The following PPFIBP2 variants were observed in gnomAD, a reference collection of about 807,000 sequenced individuals.
PPFIBP2 encodes liprin-beta-2.
A neutral mutation model predicts 118.3 loss-of-function variants in PPFIBP2; 118 were observed. The ratio of observed to expected loss-of-function variants is 1.00; its 90% CI spans 0.86 to 1.16. The LOEUF (loss-of-function observed/expected upper bound fraction) is 1.16, where lower values mean the gene tolerates loss of function less well. Among genes scored for constraint, PPFIBP2 ranks in the 50% most tolerant of loss-of-function variants. PPFIBP2 has a pLI of 0.00. For synonymous variants in PPFIBP2, 414 were observed against 397.4 expected, an observed-to-expected ratio of 1.04 and a Z score of -0.50; for missense variants, 1,195 against 1,073.1, an observed-to-expected ratio of 1.11 and a Z score of -1.59.
At chr11:7,566,171 A>G (rs1166254136) in intron 3 of PPFIBP2, among the ~76,000 whole-genome samples, 1 of 151,988 alleles carries the variant, frequency 6.6e-6, no homozygotes, top group Non-Finnish European at 1.5e-5. Context: ...TGGTTACCTC[A>G]TTGATTTAAA....
At chr11:7,540,691 C>G (rs1851685566) in intron 1 of PPFIBP2, among the ~76,000 whole-genome samples, 1 of 152,126 alleles carries the variant, frequency 6.6e-6, no homozygotes, top group South Asian at 2.1e-4. Context: ...TGGGGGACCC[C>G]ACAGGGACCC....
At chr11:7,518,517 G>T (rs1480330006) in intron 1 of PPFIBP2, among the ~76,000 whole-genome samples, 1 of 152,146 alleles carries the variant, frequency 6.6e-6, no homozygotes. Flanking sequence ...GTTGGGGACT[G>T]CCTCTGCACC....
rs754932804 is a variant in PPFIBP2 at position 7,642,407 on chromosome 11, G to T, written c.1627G>T (p.Asp543Tyr). The part of the protein sequence containing the change: ...TAGPRLSRTR[D>Y]SKGQKSDANA... Reference sequence around the variant, plus strand: ...AGGGCCAAGACTCTCTAGGACCAGGGACTCCAAGGGACAGAAAAGGTAAGG... The same window carrying T: ...AGGGCCAAGACTCTCTAGGACCAGGTACTCCAAGGGACAGAAAAGGTAAGG... Residue 543 changes from aspartate to tyrosine, a missense_variant, in exon 17 of 24, where the codon GAC becomes TAC. Physicochemically the swap from Asp to Tyr is radical, Grantham distance 160. Transcript: ENST00000299492. 1.2e-6 allele frequency: 2 copies of T among 1,613,668 alleles called. No individual in the cohort carries two copies. Among genetic ancestry groups the T allele is most frequent in the South Asian group, 2.2e-5 (2 of 90,982 alleles).
In PPFIBP2 at chr11:7,623,146, A is replaced by G. The variant is rs201592059; in HGVS notation, c.711+2119A>G. ...CCCGTGCCTTCATGCTGTTTCCAAC[A>G]TCATCCTGATTCCCTGCAGAGAAAA... On this transcript the variant is annotated intron_variant, in intron 7 of 23. Transcript: ENST00000299492. 2.0e-5 allele frequency among the ~76,000 whole-genome samples: 3 copies of G among 152,300 alleles called. No individual in the cohort carries two copies. In the East Asian group the frequency reaches 5.8e-4, roughly 29 times the overall value.
intron 1 of PPFIBP2, among the ~76,000 whole-genome samples, chr11:7,516,071 C>T (rs566459742): frequency 4.4e-4 from 67 of 152,288 alleles, no homozygotes; most frequent in Middle Eastern, 3.4e-3. Context: ...GCCTCATAAT[C>T]GCCTGGGGAG....
intron 8 of PPFIBP2, among the ~76,000 whole-genome samples, chr11:7,626,123 C>T (rs1849973479): frequency 6.6e-6 from 1 of 152,176 alleles, no homozygotes; most frequent in Non-Finnish European, 1.5e-5. Context: ...ATGGAACCCT[C>T]CCCTAACTAG....
At chr11:7,525,023 G>T (rs190163085) in intron 1 of PPFIBP2, among the ~76,000 whole-genome samples, 1 of 152,300 alleles carries the variant, frequency 6.6e-6, no homozygotes, top group East Asian at 1.9e-4. Context: ...CTGCTCACTG[G>T]TGCGGCACAA....
At chr11:7,573,156 A>C (rs1431932496) in intron 3 of PPFIBP2, among the ~76,000 whole-genome samples, 1 of 152,142 alleles carries the variant, frequency 6.6e-6, no homozygotes, top group African/African-American at 2.4e-5. Context: ...TACGAGCATC[A>C]CCTGGGAGCT....
At chr11:7,604,733 C>T (rs1224557923) in intron 5 of PPFIBP2, among the ~76,000 whole-genome samples, 1 of 152,150 alleles carries the variant, frequency 6.6e-6, no homozygotes, top group Non-Finnish European at 1.5e-5. Context: ...GGATTGGGAG[C>T]TGATGGTGAG....
At chr11:7,548,154 C>G (rs1219484819) in intron 1 of PPFIBP2, among the ~76,000 whole-genome samples, 2 of 152,286 alleles carry the variant, frequency 1.3e-5, no homozygotes, top group East Asian at 3.9e-4. Context: ...GCTCAGAGAT[C>G]ACACAGTACA....
intron 3 of PPFIBP2, among the ~76,000 whole-genome samples, chr11:7,585,616 G>A (rs1858017026): frequency 6.6e-6 from 1 of 152,194 alleles, no homozygotes; most frequent in East Asian, 1.9e-4. Flanking sequence ...CAGTCATGCT[G>A]CCCACCACAA....
chr11:7,643,712 T>C (rs1202279575), intron 17 of PPFIBP2, among the ~76,000 whole-genome samples: 2 of 152,240 alleles, frequency 1.3e-5, no homozygotes, highest in African/African-American at 4.8e-5. Flanking sequence ...TAGATATTAA[T>C]ATTTAGGTGT....
chr11:7,621,239 T>A (rs1849316210), intron 7 of PPFIBP2, among the ~76,000 whole-genome samples: 1 of 152,104 alleles, frequency 6.6e-6, no homozygotes, highest in East Asian at 1.9e-4. Context: ...AATTGGTCAA[T>A]TGTAGTAACC....
At chr11:7,518,952 C>T (rs1480460018) in intron 1 of PPFIBP2, among the ~76,000 whole-genome samples, 2 of 152,074 alleles carry the variant, frequency 1.3e-5, no homozygotes, top group African/African-American at 4.8e-5. Flanking sequence ...AGTTGATAAG[C>T]AGTGGAGGAC....
intron 1 of PPFIBP2, among the ~76,000 whole-genome samples, chr11:7,518,837 G>C (rs918389617): frequency 6.6e-6 from 1 of 152,248 alleles, no homozygotes; most frequent in Non-Finnish European, 1.5e-5. Flanking sequence ...GCTGAAGTGA[G>C]GGTGGGGCAT....
In PPFIBP2 at chr11:7,653,336, A is replaced by G. The variant is rs140206047; in HGVS notation, c.*118A>G. 1.3e-3 allele frequency: 1,990 copies of G among 1,507,996 alleles called. 19 individuals carry two copies. In the African/African-American group the frequency reaches 0.024, roughly 18 times the overall value. 93.4% of individuals were successfully genotyped at this position (1,507,996 alleles called of 1,614,324 possible). A position where few individuals can be genotyped will look rare whatever the true frequency, so the allele number is the denominator to read the frequency against. On this transcript the variant is annotated 3_prime_UTR_variant, in exon 24 of 24. Coordinates refer to ENST00000299492, the MANE Select transcript of PPFIBP2 (RefSeq NM_003621.5). ...ATGACTCGCAGAGAATATTCCAGCA[A>G]TTGTGTACCCCTGGGCCAGTCTCTT...
downstream of PPFIBP2, chr11:7,657,136 C>T: frequency 4.4e-6 from 1 of 228,866 alleles, no homozygotes; most frequent in Non-Finnish European, 8.9e-6. Flanking sequence ...CCTGGAGGCT[C>T]TCACACTCGA....
Position 7,597,393 on chromosome 11 carries a change from T to C in PPFIBP2, c.373-167T>C, listed in dbSNP as rs912992084. 4 of 1,537,684 alleles carry C rather than the reference T, an allele frequency of 2.6e-6. No homozygotes were observed. The African/African-American group carries it at 5.5e-5, about 21-fold the overall frequency. ...GGTAAGGTAAGAATCTAACTGCAGC[T>C]GCCTTCGTTCAGGACACTTCCTCCA... On this transcript the variant is annotated intron_variant, in intron 4 of 23. Coordinates refer to ENST00000299492, the MANE Select transcript of PPFIBP2 (RefSeq NM_003621.5).
chr11:7,610,331 A>G lies in PPFIBP2; in HGVS notation c.527A>G (p.Asp176Gly). 1 of 1,614,210 alleles carries G rather than the reference A, an allele frequency of 6.2e-7. No individual in the cohort carries two copies. The highest frequency in any genetic ancestry group is 2.2e-5 in the East Asian group (1 of 44,890). Residue 176 changes from aspartate to glycine, a missense_variant, in exon 6 of 24, where the codon GAT (aspartate) becomes GGT (glycine). Asp to Gly is a moderately conservative substitution (Grantham distance 94). Transcript: ENST00000299492. ...ACATCTCTTGAGACCCAGAAGCTCGATCTGATGACTGAAGTGTCTGAGCTG... is the reference window on the plus strand; with the variant it reads ...ACATCTCTTGAGACCCAGAAGCTCGGTCTGATGACTGAAGTGTCTGAGCTG... ...SRTSLETQKL[D>G]LMTEVSELKL... is the part of the protein sequence containing the mutation.
Sources: allele counts gnomAD v4.1 joint callset (sites outside exome capture counted in the v4.1 genomes callset), GRCh38; gene constraint gnomAD v4.1.1; transcripts MANE v1.5; gene names NCBI Gene and HGNC (gene_info 2026-07-23, HGNC 2026-07-21).